KCND3: variants seen among roughly 807,000 people sequenced by gnomAD.
The protein encoded by KCND3 is potassium voltage-gated channel subfamily D member 3, also known as A-type voltage-gated potassium channel KCND3.
Under a neutral mutation model 51.1 loss-of-function variants are expected in KCND3, and 9 were observed. The observed-to-expected ratio is 0.18, with a 90% confidence interval of 0.11 to 0.31. The LOEUF is 0.31. KCND3 is among the 10% of genes least tolerant of loss of function. The pLI is 1.00. For missense variants in KCND3, 526 were observed against 903.8 expected (o/e 0.58, Z 5.36); for synonymous variants, 349 against 368.0 (o/e 0.95, Z 0.59).
At chr1:111,873,120 G>GA (rs1224280320) in intron 2 of KCND3, among the ~76,000 whole-genome samples, 1 of 152,232 alleles carries the variant, frequency 6.6e-6, no homozygotes, top group East Asian at 1.9e-4. Context: ...CTTCAGGTGA[G>GA]AATGCTGATC....
chr1:111,782,369 A>G (rs1171127488), intron 3 of KCND3, among the ~76,000 whole-genome samples: 1 of 152,204 alleles, frequency 6.6e-6, no homozygotes, highest in East Asian at 1.9e-4. Context: ...AAGTCTGAGG[A>G]AGACTGCTCC....
chr1:111,862,279 A>G (rs902308589), intron 2 of KCND3, among the ~76,000 whole-genome samples: 8 of 152,392 alleles, frequency 5.2e-5, no homozygotes, highest in African/African-American at 1.9e-4. Context: ...CTCTGTCACA[A>G]CTACTTAACT....
Position 111,965,803 on chromosome 1 carries a change from T to C in KCND3, c.1106+15818A>G, listed in dbSNP as rs566469260. ...TTGAAGTTTTATCCTTCAGTATGTT[T>C]GATCCACACATGTGCAGGCGCCTCT... is the stretch of plus-strand genomic sequence containing the variant. On this transcript the variant is annotated intron_variant, in intron 2 of 7. Coordinates refer to ENST00000302127, the MANE Select transcript of KCND3 (RefSeq NM_001378969.1). Among the ~76,000 whole-genome samples the C allele has an allele frequency of 7.2e-5, 11 of 152,108 alleles. No homozygotes were observed. In the East Asian group the frequency reaches 1.2e-3, roughly 16 times the overall value.
chr1:111,959,376 C>T (rs190524903), intron 2 of KCND3, among the ~76,000 whole-genome samples: 678 of 152,306 alleles, frequency 4.5e-3, no homozygotes, highest in Non-Finnish European at 7.2e-3. Context: ...CATTCCACCT[C>T]AAGCACTCTG....
At chr1:111,807,582 A>T (rs1310537959) in intron 2 of KCND3, among the ~76,000 whole-genome samples, 1 of 152,218 alleles carries the variant, frequency 6.6e-6, no homozygotes, top group Non-Finnish European at 1.5e-5. Flanking sequence ...AGCCTGAGGC[A>T]GGAGAATCAC....
intron 2 of KCND3, among the ~76,000 whole-genome samples, chr1:111,798,615 G>A (rs1392737725): frequency 6.6e-6 from 1 of 151,766 alleles, no homozygotes; most frequent in East Asian, 1.9e-4. Flanking sequence ...GTGTTCCATG[G>A]ACTGGACTGG....
intron 2 of KCND3, among the ~76,000 whole-genome samples, chr1:111,829,368 T>G (rs78027663): frequency 0.04 from 6,074 of 152,066 alleles, 146 homozygotes; most frequent in African/African-American, 0.058. Context: ...AGCAGCAGTT[T>G]GGGGGTGTGG....
At chr1:111,777,937 G>A (rs1664201406) in intron 6 of KCND3, among the ~76,000 whole-genome samples, 1 of 152,232 alleles carries the variant, frequency 6.6e-6, no homozygotes, top group Non-Finnish European at 1.5e-5. Context: ...CTGACTGGAG[G>A]CCATTGGGAT....
intron 2 of KCND3, among the ~76,000 whole-genome samples, chr1:111,813,711 G>T (rs1465981630): frequency 6.6e-6 from 1 of 152,254 alleles, no homozygotes; most frequent in African/African-American, 2.4e-5. Flanking sequence ...GTGCTGGACA[G>T]GTTCAGCTGG....
At chr1:111,950,086 T>C (rs1672984742) in intron 2 of KCND3, among the ~76,000 whole-genome samples, 1 of 152,106 alleles carries the variant, frequency 6.6e-6, no homozygotes, top group African/African-American at 2.4e-5. Flanking sequence ...CATTTTTGTA[T>C]TTTCAGTAGA....
chr1:111,901,940 T>C (rs1026342840), intron 2 of KCND3, among the ~76,000 whole-genome samples: 1 of 152,190 alleles, frequency 6.6e-6, no homozygotes, highest in Non-Finnish European at 1.5e-5. Context: ...CAGCTGAGAC[T>C]GAGGCCAGGA....
chr1:111,863,541 C>A (rs1668425782), intron 2 of KCND3, among the ~76,000 whole-genome samples: 1 of 152,182 alleles, frequency 6.6e-6, no homozygotes, highest in African/African-American at 2.4e-5. Context: ...TGCAAACACA[C>A]AGAGGCATTC....
intron 2 of KCND3, among the ~76,000 whole-genome samples, chr1:111,944,969 A>G (rs1672709329): frequency 6.6e-6 from 1 of 152,222 alleles, no homozygotes; most frequent in African/African-American, 2.4e-5. Flanking sequence ...CATGAGCCCC[A>G]TGATGATGGG....
rs142071406 is a variant in KCND3, at chr1:111,857,591, C to T, written c.1107-70485G>A. On this transcript the variant is annotated intron_variant, in intron 2 of 7. Coordinates refer to ENST00000302127, the MANE Select transcript of KCND3 (RefSeq NM_001378969.1). ...TCAGCAAATCTATGCCTCTGACAAC[C>T]GCTTGGCCCAGCCCTCCAGGGGACT... Among the ~76,000 whole-genome samples, 6 of 151,938 alleles carry T rather than the reference C, an allele frequency of 3.9e-5. No individual in the cohort carries two copies. The South Asian group carries it at 6.2e-4, about 16-fold the overall frequency.
At chr1:111,851,054 TA>T (rs568908812) in intron 2 of KCND3, among the ~76,000 whole-genome samples, 1 of 152,264 alleles carries the variant, frequency 6.6e-6, no homozygotes, top group African/African-American at 2.4e-5. Context: ...ACTGACCTAA[TA>T]ACCCCCACCC....
chr1:111,791,799 C>T (rs1159118092), intron 2 of KCND3, among the ~76,000 whole-genome samples: 2 of 152,110 alleles, frequency 1.3e-5, no homozygotes, highest in African/African-American at 4.8e-5. Context: ...AATGAGAACA[C>T]CAGCATTTTT....
chr1:111,792,876 T>C (rs1015959516), intron 2 of KCND3, among the ~76,000 whole-genome samples: 5 of 149,034 alleles, frequency 3.4e-5, no homozygotes, highest in Non-Finnish European at 3.0e-5. Flanking sequence ...TCTACTTTTG[T>C]TCCCTTTATA....
At chr1:111,818,289 C>A (rs1199696132) in intron 2 of KCND3, among the ~76,000 whole-genome samples, 2 of 152,324 alleles carry the variant, frequency 1.3e-5, no homozygotes, top group Non-Finnish European at 2.9e-5. Flanking sequence ...GGGCCCGAGG[C>A]TTCCACCCCA....
chr1:111,777,036 G>A lies in KCND3; in HGVS notation c.1756C>T (p.Leu586Phe), dbSNP rs778053688. ...ATGGAAGCCACCCACCTGGTTGTGA[G>A]GGAGGGCTGCTCACTGCCCTGGATG... ...IHIQGSEQPS[L>F]TTSRSSLNLK... is the part of the protein sequence containing the mutation. Residue 586 changes from leucine (L) to phenylalanine (F), a missense_variant, in exon 7 of 8, where the codon CTC becomes TTC. By Grantham distance (22) the Leu-to-Phe change is conservative. This residue lies in a region of KCND3 where 266 missense variants were observed against 305.5 expected (regional missense o/e 0.87). Transcript: ENST00000302127. 3 of 1,613,498 alleles carry A rather than the reference G, an allele frequency of 1.9e-6. No homozygotes were observed.
Sources: allele counts gnomAD v4.1 joint callset (sites outside exome capture counted in the v4.1 genomes callset), GRCh38; gene constraint gnomAD v4.1.1; regional missense constraint gnomAD v4.1.1; transcripts MANE v1.5; gene names NCBI Gene and HGNC (gene_info 2026-07-23, HGNC 2026-07-21).